Variants in STAM2 observed in about 807,000 individuals in gnomAD.
STAM2 encodes signal transducing adapter molecule 2.
STAM2 carries 51 observed loss-of-function variants against 65.6 expected under a neutral mutation model. The observed-to-expected ratio is 0.78, with a 90% CI of 0.62 to 0.98. STAM2 has a LOEUF of 0.98. Among genes scored for constraint, STAM2 ranks in the 50% least tolerant of loss-of-function variants. The pLI, the probability that STAM2 is intolerant of heterozygous loss-of-function variation, is 0.00. For missense variants in STAM2, 584 were observed against 617.8 expected (o/e 0.95, Z 0.58); for synonymous variants, 198 against 208.4 (o/e 0.95, Z 0.43).
Position 152,122,605 on chromosome 2 carries a change from T to A in STAM2, c.1349+1161A>T, listed in dbSNP as rs545828185. Among the ~76,000 whole-genome samples, 89 of 152,284 alleles carry A rather than the reference T, an allele frequency of 5.8e-4. 3 individuals are homozygous for A. The South Asian group carries it at 0.018, about 30-fold the overall frequency. On this transcript the variant is annotated intron_variant, in intron 13 of 13. Coordinates refer to ENST00000263904, the MANE Select transcript of STAM2 (RefSeq NM_005843.6). Reference sequence around the variant, plus strand: ...CTAATATAAACAGATTTATTTAATATTCATATAATATCTAAAATTCATACT... The same window carrying A: ...CTAATATAAACAGATTTATTTAATAATCATATAATATCTAAAATTCATACT...
At position 152,119,314 on chromosome 2, in the gene STAM2, T is replaced by A. The variant is rs191864584; in HGVS notation, c.*1260A>T. 1.1e-3 allele frequency: 166 copies of A among 152,326 alleles called. No homozygotes were observed. Among genetic ancestry groups the A allele is most frequent in the African/African-American group, 3.8e-3 (159 of 41,586 alleles). 9.4% of individuals were successfully genotyped at this position (152,326 alleles called of 1,614,324 possible). On this transcript the variant is annotated 3_prime_UTR_variant, in exon 14 of 14. Transcript: ENST00000263904. ...AGTTATATAGAATCTATTAGCACTA[T>A]AAACTAACTCAAAATGCAGGCTTCA...
intron 11 of STAM2, among the ~76,000 whole-genome samples, chr2:152,128,074 C>T (rs1287537900): frequency 6.6e-6 from 1 of 152,188 alleles, no homozygotes; most frequent in African/African-American, 2.4e-5. Flanking sequence ...TCTTCTCTCT[C>T]TGGTAAGAAT....
chr2:152,160,935 C>G (rs1263275784), intron 1 of STAM2, among the ~76,000 whole-genome samples: 1 of 151,862 alleles, frequency 6.6e-6, no homozygotes, highest in Non-Finnish European at 1.5e-5. Context: ...CGCCTCTGCC[C>G]AGCCGCCCCT....
chr2:152,150,925 T>G (rs1018986592), intron 1 of STAM2, among the ~76,000 whole-genome samples: 5 of 151,774 alleles, frequency 3.3e-5, no homozygotes, highest in African/African-American at 1.2e-4. Context: ...AGGCTGGTCT[T>G]GAACTCCTGG....
intron 1 of STAM2, among the ~76,000 whole-genome samples, chr2:152,157,994 T>G (rs949271906): frequency 6.6e-6 from 1 of 152,082 alleles, no homozygotes. Flanking sequence ...AGCAAACAAG[T>G]GTCCCAAAAT....
chr2:152,171,726 C>A (rs980906600), intron 1 of STAM2, among the ~76,000 whole-genome samples: 1 of 152,198 alleles, frequency 6.6e-6, no homozygotes, highest in African/African-American at 2.4e-5. Flanking sequence ...CAAACCACTG[C>A]GTCCACAGAG....
intron 11 of STAM2, chr2:152,131,436 G>A (rs1689061116): frequency 6.6e-6 from 1 of 152,410 alleles, no homozygotes; most frequent in Non-Finnish European, 1.5e-5. Context: ...CTGGGCATCA[G>A]AGCAAAAGTC....
Position 152,175,763 on chromosome 2 carries a change from T to G in STAM2, c.-121A>C, listed in dbSNP as rs1690010341. 5.5e-5 allele frequency: 57 copies of G among 1,030,582 alleles called. No homozygotes were observed. The East Asian group carries it at 1.5e-3, about 27-fold the overall frequency. 63.8% of individuals were successfully genotyped at this position (1,030,582 alleles called of 1,614,324 possible). On this transcript the variant is annotated 5_prime_UTR_variant, in exon 1 of 14. Coordinates refer to ENST00000263904, the MANE Select transcript of STAM2 (RefSeq NM_005843.6). ...CCGCTTCGGCCTCCGTCCCTGCACT[T>G]CCGCCACCGCACCTGCCCGGCTCTT...
rs183109433 is a variant in STAM2 at position 152,132,050 on chromosome 2, G to A, written c.1025+64C>T. ...CCACAAAAACTTTCCCTACTTTACT[G>A]TTTGCCAAAACACAAGTGAACCCCC... On this transcript the variant is annotated intron_variant, in intron 11 of 13. Coordinates refer to ENST00000263904, the MANE Select transcript of STAM2 (RefSeq NM_005843.6). The A allele has an allele frequency of 8.2e-4, 1,005 of 1,231,318 alleles. 2 individuals are homozygous for A. The highest frequency in any genetic ancestry group is 3.6e-3 in the Middle Eastern group (19 of 5,216). 76.3% of individuals were successfully genotyped at this position (1,231,318 alleles called of 1,614,324 possible).
intron 13 of STAM2, 66 bp downstream of exon 13, chr2:152,123,700 A>C: frequency 6.9e-7 from 1 of 1,459,768 alleles, no homozygotes. Context: ...AAGGGTCTAT[A>C]TATTCTCATT....
At chr2:152,132,317 T>C in intron 10 of STAM2, 149 bp from the exon 11 acceptor site, 2 of 507,360 alleles carry the variant, frequency 3.9e-6, no homozygotes, top group South Asian at 3.5e-5. Flanking sequence ...TATTCAGCAC[T>C]ACTACTACAT....
rs546353063 is a variant in STAM2, at chr2:152,117,845, C to G, written c.*2729G>C. On this transcript the variant is annotated 3_prime_UTR_variant, in exon 14 of 14. Transcript: ENST00000263904. ...TCAAAACATACAGTAAAATGTATTA[C>G]GTAGACAAGTATCAATTATTTCAAA... The G allele has an allele frequency of 6.6e-6, 1 of 152,112 alleles. No individual in the cohort carries two copies. Among genetic ancestry groups the G allele is most frequent in the Non-Finnish European group, 1.5e-5 (1 of 67,966 alleles). The allele number at this position is 152,112 out of a possible 1,614,324, so 9.4% of individuals were successfully genotyped here.
chr2:152,164,053 C>T (rs1010577432), intron 1 of STAM2, among the ~76,000 whole-genome samples: 1 of 152,166 alleles, frequency 6.6e-6, no homozygotes, highest in Non-Finnish European at 1.5e-5. Context: ...TGTTCGTACA[C>T]CCCCTCCCCT....
chr2:152,134,257 A>G (rs1263010270), intron 8 of STAM2, among the ~76,000 whole-genome samples: 1 of 152,222 alleles, frequency 6.6e-6, no homozygotes, highest in Non-Finnish European at 1.5e-5. Context: ...AGAAGTCAGC[A>G]TAACACAAGG....
chr2:152,147,023 G>C (rs1022563573), intron 5 of STAM2, 139 bp downstream of exon 5: 1 of 722,708 alleles, frequency 1.4e-6, no homozygotes, highest in Non-Finnish European at 2.1e-6. Context: ...CTAAACGTAA[G>C]GAAGGCACTA....
rs1164023195 is a variant in STAM2, at chr2:152,175,716, G to C, written c.-74C>G. ...AACTGCTACCCGCCGGGTGACCCGCGGCCGCGGCTCCCTAGACCGCTCCGC... is the reference window on the plus strand; with the variant it reads ...AACTGCTACCCGCCGGGTGACCCGCCGCCGCGGCTCCCTAGACCGCTCCGC... On this transcript the variant is annotated 5_prime_UTR_variant, in exon 1 of 14. Transcript: ENST00000263904. 48 of 1,527,870 alleles carry C rather than the reference G, an allele frequency of 3.1e-5. No individual in the cohort carries two copies. Among genetic ancestry groups the C allele is most frequent in the Non-Finnish European group, 4.2e-5 (47 of 1,125,910 alleles). The allele number at this position is 1,527,870 out of a possible 1,614,324, so 94.6% of individuals were successfully genotyped here.
chr2:152,137,325 A>C (rs1025908012), intron 7 of STAM2, among the ~76,000 whole-genome samples: 5 of 152,232 alleles, frequency 3.3e-5, no homozygotes, highest in Admixed American at 6.5e-5. Context: ...AACACTTGAT[A>C]ATCAGACAGG....
intron 11 of STAM2, chr2:152,131,819 G>A: frequency 2.9e-6 from 1 of 340,038 alleles, no homozygotes; most frequent in Non-Finnish European, 5.4e-6. Context: ...AGGCACACTG[G>A]CTATCACTGA....
chr2:152,123,411 A>G (rs755935954), intron 13 of STAM2, among the ~76,000 whole-genome samples: 1 of 152,140 alleles, frequency 6.6e-6, no homozygotes, highest in African/African-American at 2.4e-5. Flanking sequence ...CAAATTCCAC[A>G]GTTCAAACGC....
Sources: gnomAD v4.1 joint callset for allele counts (sites outside exome capture counted in the v4.1 genomes callset) on GRCh38, gnomAD v4.1.1 for gene constraint, MANE v1.5 for transcripts, NCBI Gene and HGNC (gene_info 2026-07-23, HGNC 2026-07-21) for gene names.